The following KLHL5 variants were observed in gnomAD, a reference collection of about 807,000 sequenced individuals.
KLHL5 encodes the protein kelch like family member 5.
A neutral mutation model predicts 77.7 loss-of-function variants in KLHL5; 48 were observed. The observed-to-expected ratio is 0.62, with a 90% CI of 0.49 to 0.79. KLHL5 has a LOEUF of 0.79. Among genes scored for constraint, KLHL5 ranks in the 30% least tolerant of loss-of-function variants. The pLI, the probability that KLHL5 is intolerant of heterozygous loss-of-function variation, is 0.00. For synonymous variants in KLHL5, 260 were observed against 297.0 expected, an observed-to-expected ratio of 0.88 and a Z score of 1.28; for missense variants, 723 against 859.7, an observed-to-expected ratio of 0.84 and a Z score of 1.99.
At chr4:39,099,212 C>G (rs946393177) in intron 6 of KLHL5, among the ~76,000 whole-genome samples, 2 of 152,036 alleles carry the variant, frequency 1.3e-5, no homozygotes, top group Non-Finnish European at 2.9e-5. Context: ...CACTTGAACC[C>G]GGGAGGTGGA....
At position 39,098,736 on chromosome 4, in the gene KLHL5, T is replaced by G. The variant is rs189263402; in HGVS notation, c.1300+1858T>G. Among the ~76,000 whole-genome samples the G allele has an allele frequency of 9.9e-3, 1,510 of 152,052 alleles. 23 individuals carry two copies. The highest frequency in any genetic ancestry group is 0.034 in the African/African-American group (1,418 of 41,450). Reference sequence around the variant, plus strand: ...CTGCCACCATGCCCCGCTAATTTTTTTGTACTTTTAGTAGAGATGGGGTTT... The same window carrying G: ...CTGCCACCATGCCCCGCTAATTTTTGTGTACTTTTAGTAGAGATGGGGTTT... On this transcript the variant is annotated intron_variant, in intron 6 of 10. Coordinates refer to ENST00000504108, the MANE Select transcript of KLHL5 (RefSeq NM_015990.5).
At chr4:39,058,826 C>G (rs1043611386), upstream of KLHL5, among the ~76,000 whole-genome samples, 1 of 151,932 alleles carries the variant, frequency 6.6e-6, no homozygotes, top group African/African-American at 2.4e-5. Context: ...CTCCTAGGTA[C>G]TATTCTAAGT....
At chr4:39,084,945 AT>A (rs1719915478) in intron 4 of KLHL5, among the ~76,000 whole-genome samples, 1 of 152,110 alleles carries the variant, frequency 6.6e-6, no homozygotes, top group African/African-American at 2.4e-5. Flanking sequence ...CATATAGGCT[AT>A]TTCCCATTTT....
chr4:39,107,853 GTC>G lies in KLHL5; in HGVS notation c.1688+126_1688+127del, dbSNP rs1722166359. 7 of 656,044 alleles carry G rather than the reference GTC, an allele frequency of 1.1e-5. No individual in the cohort carries two copies. In the East Asian group the frequency reaches 2.0e-4, roughly 19 times the overall value. 40.6% of individuals were successfully genotyped at this position (656,044 alleles called of 1,614,324 possible). A position where few individuals can be genotyped will look rare whatever the true frequency, so the allele number is the denominator to read the frequency against. On this transcript the variant is annotated intron_variant, in intron 8 of 10. Transcript: ENST00000504108. ...GATTTGAAGAAACTTTTAAAACAAT[GTC>G]TCTTTCTATAATAGTTGTAAATATA...
the KLHL5 span, among the ~76,000 whole-genome samples, chr4:39,141,441 T>C: frequency 6.6e-6 from 1 of 151,372 alleles, no homozygotes; most frequent in African/African-American, 2.4e-5. Flanking sequence ...CTCGAGTAGC[T>C]GGGACTACAG....
intron 10 of KLHL5, among the ~76,000 whole-genome samples, chr4:39,118,878 G>A (rs1723032010): frequency 2.0e-5 from 3 of 152,276 alleles, no homozygotes; most frequent in African/African-American, 7.2e-5. Flanking sequence ...AAGAGAAAGA[G>A]AAGAAAAGGA....
Position 39,107,661 on chromosome 4 carries a change from C to T in KLHL5, c.1618C>T (p.Arg540Cys), listed in dbSNP as rs199537144. ...AGTGGAAAGATGGGACCCTCAGGCT[C>T]GCCAGTGGAATTTTGTTGCCACTAT... The part of the protein sequence containing the change: ...NTVERWDPQA[R>C]QWNFVATMST... Residue 540 changes from arginine (R) to cysteine (C), a missense_variant, in exon 8 of 11, where the codon CGC (arginine) becomes TGC (cysteine). Around this residue, in one of 3 missense-constraint regions of KLHL5, gnomAD observed 214 missense variants for 237.4 expected, o/e 0.90. Transcript: ENST00000504108. 1 of 1,612,216 alleles carries T rather than the reference C, an allele frequency of 6.2e-7. No individual in the cohort carries two copies. Among genetic ancestry groups the T allele is most frequent in the African/African-American group, 1.3e-5 (1 of 74,798 alleles).
chr4:39,097,896 C>T (rs912590533), intron 6 of KLHL5, among the ~76,000 whole-genome samples: 1 of 151,868 alleles, frequency 6.6e-6, no homozygotes, highest in East Asian at 1.9e-4. Context: ...TTTGGGAGGC[C>T]GAGGTGGGTG....
At chr4:39,069,764 T>A (rs1236838798) in intron 1 of KLHL5, among the ~76,000 whole-genome samples, 1 of 152,056 alleles carries the variant, frequency 6.6e-6, no homozygotes, top group Non-Finnish European at 1.5e-5. Flanking sequence ...CTGCTTTTTT[T>A]TGCCCTAATG....
In KLHL5 at chr4:39,113,034, G is replaced by A; in HGVS notation, c.1703G>A (p.Gly568Asp). The change falls in exon 9 of 11, where the codon GGT becomes GAT. Residue 568 changes from glycine to aspartate, a missense_variant. Gly to Asp is a moderately conservative substitution (Grantham distance 94). Transcript: ENST00000504108. ...TCTTTTTGCAGACTTTATGCAGTTGGTGGTCGTGATGGAAGTTCTTGTCTC... is the reference window on the plus strand; with the variant it reads ...TCTTTTTGCAGACTTTATGCAGTTGATGGTCGTGATGGAAGTTCTTGTCTC... ...AVLSGKLYAVGGRDGSSCLKS... is the reference protein window; with the variant it reads ...AVLSGKLYAVDGRDGSSCLKS... 5 of 1,613,184 alleles carry A rather than the reference G, an allele frequency of 3.1e-6. No homozygotes were observed. Among genetic ancestry groups the A allele is most frequent in the Non-Finnish European group, 2.5e-6 (3 of 1,179,790 alleles).
At chr4:39,109,072 T>C (rs1722252542) in intron 8 of KLHL5, among the ~76,000 whole-genome samples, 1 of 152,198 alleles carries the variant, frequency 6.6e-6, no homozygotes, top group Non-Finnish European at 1.5e-5. Flanking sequence ...GCTAAGGATC[T>C]CTAATCTACT....
intron 2 of KLHL5, among the ~76,000 whole-genome samples, chr4:39,077,710 CAA>C (rs1719205046): frequency 8.1e-6 from 1 of 123,282 alleles, no homozygotes; most frequent in Admixed American, 7.9e-5. Context: ...AAAAAAAAAA[CAA>C]AAAACAAACA....
intron 1 of KLHL5, among the ~76,000 whole-genome samples, chr4:39,047,438 T>G (rs1365634459): frequency 6.6e-6 from 1 of 151,976 alleles, no homozygotes; most frequent in Non-Finnish European, 1.5e-5. Flanking sequence ...AAAAGATGAG[T>G]TATCTATTCT....
chr4:39,079,442 T>C (rs1246023587), intron 2 of KLHL5, among the ~76,000 whole-genome samples: 1 of 152,200 alleles, frequency 6.6e-6, no homozygotes, highest in African/African-American at 2.4e-5. Context: ...TCAGAACCTC[T>C]TGTAGTTCCT....
chr4:39,048,039 G>A (rs1716330232), intron 1 of KLHL5, among the ~76,000 whole-genome samples: 2 of 152,148 alleles, frequency 1.3e-5, no homozygotes, highest in East Asian at 3.8e-4. Flanking sequence ...AGAATCTACT[G>A]GGTACTGGGT....
the KLHL5 span, among the ~76,000 whole-genome samples, chr4:39,132,723 T>A: frequency 6.6e-6 from 1 of 152,132 alleles, no homozygotes; most frequent in Non-Finnish European, 1.5e-5. Flanking sequence ...GAAAAATAAA[T>A]GCCCACAGAA....
chr4:39,140,703 ATAAT>A, the KLHL5 span, among the ~76,000 whole-genome samples: 1 of 152,326 alleles, frequency 6.6e-6, no homozygotes, highest in East Asian at 1.9e-4. Context: ...TAATCTACAA[ATAAT>A]TGATTATTGA....
chr4:39,091,699 C>G (rs1720568328), intron 5 of KLHL5, among the ~76,000 whole-genome samples: 1 of 148,388 alleles, frequency 6.7e-6, no homozygotes, highest in Non-Finnish European at 1.5e-5. Flanking sequence ...TGGACAGGGT[C>G]TCACTCTGTC....
intron 4 of KLHL5, among the ~76,000 whole-genome samples, chr4:39,083,691 A>T (rs534394261): frequency 8.5e-5 from 13 of 152,112 alleles, no homozygotes; most frequent in Non-Finnish European, 1.5e-4. Context: ...ATAAAGTTGG[A>T]TTTTTTTCTT....
Sources: allele counts gnomAD v4.1 joint callset (sites outside exome capture counted in the v4.1 genomes callset), GRCh38; gene constraint gnomAD v4.1.1; regional missense constraint gnomAD v4.1.1; transcripts MANE v1.5; gene names NCBI Gene and HGNC (gene_info 2026-07-23, HGNC 2026-07-21).